Variants in BICC1 observed in about 807,000 individuals in gnomAD.
BICC1 encodes BicC family RNA binding protein 1, also known as protein bicaudal C homolog 1.
A neutral mutation model predicts 111.0 loss-of-function variants in BICC1; 43 were observed. The ratio of observed to expected loss-of-function variants is 0.39; its 90% CI spans 0.30 to 0.50. BICC1 has a LOEUF of 0.50. Among genes scored for constraint, BICC1 ranks in the 20% least tolerant of loss-of-function variants. The probability of loss-of-function intolerance (pLI) is 0.88; values close to 1 mark genes in which losing one functional copy is unlikely to be tolerated. For synonymous variants in BICC1, 467 were observed against 434.4 expected (o/e 1.07, Z -0.93); for missense variants, 1,091 against 1,203.2 (o/e 0.91, Z 1.38).
At chr10:58,518,601 G>A (rs1421140662) in intron 1 of BICC1, among the ~76,000 whole-genome samples, 1 of 132,472 alleles carries the variant, frequency 7.5e-6, no homozygotes, top group African/African-American at 2.8e-5. Flanking sequence ...GGGGGGGGGG[G>A]GGTGTGTTTG....
intron 2 of BICC1, among the ~76,000 whole-genome samples, chr10:58,693,883 A>G (rs1333148069): frequency 6.6e-6 from 1 of 152,026 alleles, no homozygotes; most frequent in Admixed American, 6.5e-5. Context: ...CCATTTGTCA[A>G]TTTTGGCTTT....
chr10:58,651,338 A>T (rs1838441712), intron 2 of BICC1, among the ~76,000 whole-genome samples: 2 of 152,234 alleles, frequency 1.3e-5, no homozygotes, highest in Admixed American at 1.3e-4. Context: ...CACCCACCAC[A>T]TCACAGACTG....
chr10:58,737,789 G>A (rs1202673509), intron 3 of BICC1, among the ~76,000 whole-genome samples: 1 of 152,196 alleles, frequency 6.6e-6, no homozygotes, highest in African/African-American at 2.4e-5. Flanking sequence ...TCTAACTGGT[G>A]TAAGGTGGTA....
At chr10:58,705,587 T>C (rs1351923997) in intron 3 of BICC1, among the ~76,000 whole-genome samples, 1 of 152,228 alleles carries the variant, frequency 6.6e-6, no homozygotes, top group African/African-American at 2.4e-5. Flanking sequence ...TGTGACCGTA[T>C]TCTAGATGGA....
At chr10:58,513,834 T>TA (rs1307253344) in intron 1 of BICC1, among the ~76,000 whole-genome samples, 2 of 152,166 alleles carry the variant, frequency 1.3e-5, no homozygotes, top group African/African-American at 4.8e-5. Flanking sequence ...TGTCAAGGCT[T>TA]AAGACAGGAG....
rs563305780 is a variant in BICC1 at position 58,684,681 on chromosome 10, C to T, written c.238-17393C>T. ...TTTGCATAGAGGTGTTTATAGTATT[C>T]TCTGATGGTAGTTTGTATTTCTGTG... is the stretch of plus-strand genomic sequence containing the variant. On this transcript the variant is annotated intron_variant, in intron 2 of 20. Coordinates refer to ENST00000373886, the MANE Select transcript of BICC1 (RefSeq NM_001080512.3). Among the ~76,000 whole-genome samples the T allele has an allele frequency of 3.9e-5, 6 of 152,210 alleles. No homozygotes were observed. The South Asian group carries it at 1.2e-3, about 32-fold the overall frequency.
rs564600842 is a variant in BICC1, at chr10:58,539,846, C to G, written c.190+26513C>G. ...GCAGAATAGATAGTCTTTTCAAGTG[C>G]ACTAGGAGCATTCTTCAGGATATAT... On this transcript the variant is annotated intron_variant, in intron 1 of 20. Transcript: ENST00000373886. Among the ~76,000 whole-genome samples, 4 of 151,936 alleles carry G rather than the reference C, an allele frequency of 2.6e-5. No individual in the cohort carries two copies. The East Asian group carries it at 5.8e-4, about 22-fold the overall frequency.
intron 1 of BICC1, among the ~76,000 whole-genome samples, chr10:58,518,360 A>G (rs951805110): frequency 2.6e-5 from 4 of 152,030 alleles, no homozygotes; most frequent in South Asian, 2.1e-4. Context: ...TAAAATGGGG[A>G]TAATAATAGT....
At chr10:58,515,521 G>A (rs1299627914) in intron 1 of BICC1, among the ~76,000 whole-genome samples, 2 of 152,156 alleles carry the variant, frequency 1.3e-5, no homozygotes, top group African/African-American at 2.4e-5. Flanking sequence ...TCTAAACATT[G>A]GAAAGGTAAT....
At position 58,803,197 on chromosome 10, in the gene BICC1, C is replaced by T. The variant is rs267602532; in HGVS notation, c.2136C>T (p.Ser712=). Residue 712 remains serine (S), a synonymous_variant, in exon 15 of 21, where the codon TCC becomes TCT. Transcript: ENST00000373886. ...GGGCAGCAGCTGCCCAGCAAAACTC[C>T]GAAAGGGCCCACCTTGCTCCACGGT... ...AERAAAAQQN[S]ERAHLAPRSS... 2.4e-5 allele frequency: 38 copies of T among 1,608,900 alleles called. No homozygotes were observed. Among genetic ancestry groups the T allele is most frequent in the Middle Eastern group, 1.6e-4 (1 of 6,070 alleles).
chr10:58,574,917 A>T (rs1190030673), intron 1 of BICC1, among the ~76,000 whole-genome samples: 1 of 152,054 alleles, frequency 6.6e-6, no homozygotes, highest in Non-Finnish European at 1.5e-5. Context: ...CTCACTCTTC[A>T]GGTAGCCTCT....
At chr10:58,748,123 A>C (rs911695204) in intron 3 of BICC1, among the ~76,000 whole-genome samples, 8 of 152,156 alleles carry the variant, frequency 5.3e-5, no homozygotes, top group African/African-American at 1.7e-4. Context: ...AGCTGGATAA[A>C]AGACATACCA....
In BICC1 at chr10:58,829,191, ATTTTTTTTTTTTTTTTTTT is replaced by A. The variant is rs71006209; in HGVS notation, c.*313_*331del. 772 of 42,462 alleles carry A rather than the reference ATTTTTTTTTTTTTTTTTTT, an allele frequency of 0.018. 13 individuals carry two copies. Among genetic ancestry groups the A allele is most frequent in the Non-Finnish European group, 0.022 (583 of 26,124 alleles). 2.6% of individuals were successfully genotyped at this position (42,462 alleles called of 1,614,324 possible). ...TACCTATATAACATATGCACTGATG[ATTTTTTTTTTTTTTTTTTT>A]TTTTTTTTTTTTACTTAAAATGAAG... On this transcript the variant is annotated 3_prime_UTR_variant, in exon 21 of 21. Transcript: ENST00000373886.
At chr10:58,651,902 T>TCTCAAGAAA in intron 2 of BICC1, among the ~76,000 whole-genome samples, 1 of 152,196 alleles carries the variant, frequency 6.6e-6, no homozygotes. Flanking sequence ...CATCCTTTTC[T>TCTCAAGAAA]TGAGATAACA....
intron 3 of BICC1, among the ~76,000 whole-genome samples, chr10:58,738,905 G>C (rs1042129002): frequency 2.6e-5 from 4 of 151,894 alleles, no homozygotes; most frequent in African/African-American, 9.7e-5. Flanking sequence ...TGGTGTATAA[G>C]AATGCTTGTG....
At chr10:58,738,287 A>G (rs1841540163) in intron 3 of BICC1, among the ~76,000 whole-genome samples, 1 of 152,112 alleles carries the variant, frequency 6.6e-6, no homozygotes, top group South Asian at 2.1e-4. Context: ...GAAGGGATCC[A>G]GTTTCAGCTT....
chr10:58,556,311 C>G (rs1843448347), intron 1 of BICC1, among the ~76,000 whole-genome samples: 2 of 151,934 alleles, frequency 1.3e-5, no homozygotes, highest in South Asian at 4.1e-4. Flanking sequence ...CATAATAGGT[C>G]AATTTGGTCT....
chr10:58,666,941 C>G (rs1839031408), intron 2 of BICC1, among the ~76,000 whole-genome samples: 1 of 152,102 alleles, frequency 6.6e-6, no homozygotes, highest in African/African-American at 2.4e-5. Context: ...TCCTATTTAA[C>G]TTGTCTACTT....
At chr10:58,785,142 C>CATGA (rs1842974679) in intron 4 of BICC1, 62 bp downstream of exon 4, 2 of 957,088 alleles carry the variant, frequency 2.1e-6, no homozygotes, top group South Asian at 1.9e-5. Flanking sequence ...CTACTTCATG[C>CATGA]CGTTATGAAA....
Sources: gnomAD v4.1 joint callset for allele counts (sites outside exome capture counted in the v4.1 genomes callset) on GRCh38, gnomAD v4.1.1 for gene constraint, MANE v1.5 for transcripts, NCBI Gene and HGNC (gene_info 2026-07-23, HGNC 2026-07-21) for gene names.